The following KHDRBS2 variants were observed in gnomAD, a reference collection of about 807,000 sequenced individuals.
The protein encoded by KHDRBS2 is KH RNA binding domain containing, signal transduction associated 2, also known as KH domain-containing, RNA-binding, signal transduction-associated protein 2.
In KHDRBS2, 26 loss-of-function variants were observed where a neutral mutation model predicts 44.3. That is an observed-to-expected ratio of 0.59 (90% confidence interval 0.43 to 0.81). The LOEUF is 0.81. Ranked by LOEUF, KHDRBS2 falls within the 40% of genes least tolerant of loss-of-function variation. The pLI, the probability that KHDRBS2 is intolerant of heterozygous loss-of-function variation, is 0.00. For missense variants in KHDRBS2, 476 were observed against 433.1 expected, an observed-to-expected ratio of 1.10 and a Z score of -0.88; for synonymous variants, 194 against 151.1, an observed-to-expected ratio of 1.28 and a Z score of -2.08.
intron 2 of KHDRBS2, among the ~76,000 whole-genome samples, chr6:62,155,093 G>T (rs1232697639): frequency 6.6e-6 from 1 of 152,186 alleles, no homozygotes; most frequent in Non-Finnish European, 1.5e-5. Flanking sequence ...TTTATACTGG[G>T]AGTCTGGGAG....
At chr6:61,856,970 C>T (rs1479774414) in intron 6 of KHDRBS2, among the ~76,000 whole-genome samples, 1 of 152,106 alleles carries the variant, frequency 6.6e-6, no homozygotes, top group Non-Finnish European at 1.5e-5. Context: ...ATTGAAGACT[C>T]TGGCCTTCCT....
At chr6:61,547,601 G>A in the KHDRBS2 span, among the ~76,000 whole-genome samples, 3 of 152,072 alleles carry the variant, frequency 2.0e-5, no homozygotes, top group South Asian at 6.2e-4. Flanking sequence ...TGCTTTGGTA[G>A]AGCAGTGACT....
chr6:61,582,591 A>C, the KHDRBS2 span, among the ~76,000 whole-genome samples: 1 of 151,758 alleles, frequency 6.6e-6, no homozygotes, highest in East Asian at 1.9e-4. Flanking sequence ...GAACTTAAAA[A>C]AGATGGGAAA....
chr6:61,571,086 T>C, the KHDRBS2 span, among the ~76,000 whole-genome samples: 1 of 151,976 alleles, frequency 6.6e-6, no homozygotes, highest in Non-Finnish European at 1.5e-5. Flanking sequence ...AAACATTGAA[T>C]ATAAATGGCC....
chr6:61,640,170 A>G, the KHDRBS2 span, among the ~76,000 whole-genome samples: 38 of 152,252 alleles, frequency 2.5e-4, no homozygotes, highest in Middle Eastern at 3.4e-3. Flanking sequence ...AAAATATTAG[A>G]TAAAAAGTAT....
chr6:62,063,320 C>A (rs543931657), intron 2 of KHDRBS2, among the ~76,000 whole-genome samples: 2 of 151,190 alleles, frequency 1.3e-5, no homozygotes. Flanking sequence ...GGCAGAGACA[C>A]AACCGAACAA....
intron 2 of KHDRBS2, among the ~76,000 whole-genome samples, chr6:62,127,087 A>G (rs567802395): frequency 6.6e-6 from 1 of 152,278 alleles, no homozygotes; most frequent in South Asian, 2.1e-4. Flanking sequence ...CCAACTCCTA[A>G]ATAGAAGAAT....
intron 1 of KHDRBS2, among the ~76,000 whole-genome samples, chr6:62,275,197 T>TCCC (rs1840730586): frequency 1.3e-5 from 2 of 152,262 alleles, no homozygotes; most frequent in Non-Finnish European, 2.9e-5. Context: ...TATCCAATCT[T>TCCC]TCAGTAATTT....
At chr6:62,218,516 T>C (rs780003737) in intron 1 of KHDRBS2, among the ~76,000 whole-genome samples, 2 of 151,486 alleles carry the variant, frequency 1.3e-5, no homozygotes, top group African/African-American at 2.4e-5. Flanking sequence ...AAGACAGATA[T>C]CAAATATGTA....
intron 7 of KHDRBS2, among the ~76,000 whole-genome samples, chr6:61,698,905 T>C (rs1225531820): frequency 1.3e-5 from 2 of 152,068 alleles, no homozygotes; most frequent in African/African-American, 4.8e-5. Flanking sequence ...TTATGAGAGA[T>C]TTCCCTGATC....
intron 3 of KHDRBS2, among the ~76,000 whole-genome samples, chr6:62,033,387 CA>C: frequency 6.6e-6 from 1 of 151,774 alleles, no homozygotes; most frequent in Non-Finnish European, 1.5e-5. Flanking sequence ...CAGATTTAAC[CA>C]AAAGAAGACT....
the KHDRBS2 span, among the ~76,000 whole-genome samples, chr6:61,635,954 G>C: frequency 4.1e-4 from 62 of 152,048 alleles, no homozygotes; most frequent in South Asian, 3.5e-3. Flanking sequence ...TGTATTACAA[G>C]AAATCAAGCT....
chr6:61,602,101 A>C, the KHDRBS2 span, among the ~76,000 whole-genome samples: 1 of 152,122 alleles, frequency 6.6e-6, no homozygotes, highest in Non-Finnish European at 1.5e-5. Context: ...CTCAATATGC[A>C]TTTTATTACC....
chr6:61,825,269 T>C (rs552004094), intron 6 of KHDRBS2, among the ~76,000 whole-genome samples: 4 of 152,306 alleles, frequency 2.6e-5, no homozygotes, highest in African/African-American at 9.6e-5. Context: ...ATTTTCTTTC[T>C]TGTGAAATGA....
At chr6:62,253,029 G>A (rs1171082422) in intron 1 of KHDRBS2, among the ~76,000 whole-genome samples, 1 of 151,968 alleles carries the variant, frequency 6.6e-6, no homozygotes, top group Non-Finnish European at 1.5e-5. Context: ...AACACTGGGT[G>A]GCTTTTCTCT....
At chr6:62,224,484 T>A (rs1380332578) in intron 1 of KHDRBS2, among the ~76,000 whole-genome samples, 1 of 152,198 alleles carries the variant, frequency 6.6e-6, no homozygotes, top group Non-Finnish European at 1.5e-5. Flanking sequence ...GGTATTAAGA[T>A]GAACAAATGG....
At chr6:61,859,466 T>G (rs2127293763) in intron 6 of KHDRBS2, among the ~76,000 whole-genome samples, 1 of 151,538 alleles carries the variant, frequency 6.6e-6, no homozygotes, top group South Asian at 2.1e-4. Context: ...TATCTCCAAG[T>G]CAAATTAAAA....
chr6:62,063,429 C>G (rs1465766576), intron 2 of KHDRBS2, among the ~76,000 whole-genome samples: 1 of 151,348 alleles, frequency 6.6e-6, no homozygotes, highest in East Asian at 2.0e-4. Context: ...AGCTTACCCA[C>G]CATGATCAAG....
At chr6:61,598,569 G>A in the KHDRBS2 span, among the ~76,000 whole-genome samples, 14 of 152,200 alleles carry the variant, frequency 9.2e-5, 1 homozygote, top group East Asian at 1.2e-3. Flanking sequence ...TTTTTCCTGG[G>A]GGTAGAAAGA....
Sources: gnomAD v4.1 joint callset for allele counts (sites outside exome capture counted in the v4.1 genomes callset) on GRCh38, gnomAD v4.1.1 for gene constraint, MANE v1.5 for transcripts, NCBI Gene and HGNC (gene_info 2026-07-23, HGNC 2026-07-21) for gene names.